IL25: variants seen among roughly 807,000 people sequenced by gnomAD.
IL25 encodes the protein interleukin 25, also known as interleukin-25.
Under a neutral mutation model 13.2 loss-of-function variants are expected in IL25, and 10 were observed. The ratio of observed to expected loss-of-function variants is 0.76; its 90% confidence interval spans 0.47 to 1.29. The LOEUF (loss-of-function observed/expected upper bound fraction) is 1.29. IL25 is among the 50% of genes most tolerant of loss of function. The probability of loss-of-function intolerance (pLI) is 0.00; values close to 1 mark genes in which losing one functional copy is unlikely to be tolerated. For synonymous variants in IL25, 107 were observed against 92.1 expected, an observed-to-expected ratio of 1.16 and a Z score of -0.93; for missense variants, 235 against 232.4, an observed-to-expected ratio of 1.01 and a Z score of -0.07.
At chr14:23,375,148 C>T (rs559566184) in intron 1 of IL25, among the ~76,000 whole-genome samples, 14 of 152,020 alleles carry the variant, frequency 9.2e-5, no homozygotes, top group African/African-American at 2.9e-4. Flanking sequence ...GGTATGGTGG[C>T]GGGCATCAGG....
exon 1 of IL25, chr14:23,373,149 A>G: frequency 6.2e-7 from 1 of 1,614,196 alleles, no homozygotes; most frequent in South Asian, 1.1e-5. Context: ...AGGTGAGGAC[A>G]GTTCTCTCAT....
At chr14:23,373,881 T>C (rs1890476349) in intron 1 of IL25, among the ~76,000 whole-genome samples, 1 of 152,210 alleles carries the variant, frequency 6.6e-6, no homozygotes, top group Admixed American at 6.5e-5. Context: ...TGGGGGCAGC[T>C]GGCTGGCTGG....
At chr14:23,375,497 G>A (rs1229832907) in intron 1 of IL25, 128 bp from the exon 3 acceptor site, 1 of 1,132,892 alleles carries the variant, frequency 8.8e-7, no homozygotes, top group Non-Finnish European at 1.3e-6. Context: ...ACAGCAAGTG[G>A]GTTCAGAACT....
chr14:23,374,138 G>A (rs1890480363), intron 1 of IL25, among the ~76,000 whole-genome samples: 1 of 152,044 alleles, frequency 6.6e-6, no homozygotes. Context: ...GTTCAGTGGT[G>A]GGGAGGGGGT....
At chr14:23,376,289 T>G in exon 2 of IL25, 1 of 211,492 alleles carries the variant, frequency 4.7e-6, no homozygotes. Context: ...AGTGAGCATC[T>G]ACTTTGGGTG....
At chr14:23,375,860 C>A in exon 2 of IL25, 1 of 1,613,978 alleles carries the variant, frequency 6.2e-7, no homozygotes, top group South Asian at 1.1e-5. Flanking sequence ...TGTGTGTGTG[C>A]GGCCCCGTGT....
At chr14:23,373,069 G>A (rs370605623) in exon 1 of IL25, 129 of 1,613,942 alleles carry the variant, frequency 8.0e-5, no homozygotes, top group Non-Finnish European at 8.4e-5. Flanking sequence ...CAGGTTTGGG[G>A]CTGGGGGCCA....
At chr14:23,376,028 G>A in exon 2 of IL25, 2 of 1,080,232 alleles carry the variant, frequency 1.9e-6, no homozygotes, top group African/African-American at 1.6e-5. Context: ...GGGGGGCTTT[G>A]GGGAAAGCCT....
In IL25 at chr14:23,373,146, G is replaced by C. The variant is rs751174353; in HGVS notation, c.28G>C (p.Asp10His). 2.5e-6 allele frequency: 4 copies of C among 1,614,176 alleles called. No homozygotes were observed. Among genetic ancestry groups the C allele is most frequent in the Middle Eastern group, 3.3e-4 (2 of 6,062 alleles). ...GAGGGAGCGACCCAGATTAGGTGAG[G>C]ACAGTTCTCTCATTAGCCTTTTCCT... Residue 10 changes from aspartate (D) to histidine (H), a missense_variant, in exon 1 of 2, where the codon GAC becomes CAC. Coordinates refer to ENST00000329715, the Ensembl canonical transcript of IL25.
At position 23,373,175 on chromosome 14, in the gene IL25, G is replaced by A; in HGVS notation, c.57G>A (p.Gln19=). The stretch of plus-strand genomic sequence containing the variant: ...GTTCTCTCATTAGCCTTTTCCTACA[G>A]GTGGTTGCATTCTTGGCAATGGTCA... Residue 19 remains glutamine (Q), a synonymous_variant, in exon 1 of 2, where the codon CAG becomes CAA. Coordinates refer to ENST00000329715, the Ensembl canonical transcript of IL25. 6.2e-7 allele frequency: 1 copy of A among 1,614,206 alleles called. No individual in the cohort carries two copies. Among genetic ancestry groups the A allele is most frequent in the Non-Finnish European group, 8.5e-7 (1 of 1,180,026 alleles).
intron 1 of IL25, 108 bp from the exon 3 acceptor site, chr14:23,375,517 G>A (rs1890520458): frequency 1.5e-6 from 2 of 1,366,972 alleles, no homozygotes; most frequent in South Asian, 2.7e-5. Flanking sequence ...TGAGACAAGA[G>A]GCCAAGGCCC....
intron 1 of IL25, 52 bp from the exon 3 acceptor site, chr14:23,375,573 C>A: frequency 6.3e-7 from 1 of 1,587,960 alleles, no homozygotes; most frequent in South Asian, 1.1e-5. Flanking sequence ...CCACCCCACC[C>A]TCTCTGTTTC....
chr14:23,375,923 C>A (rs1206864661), exon 2 of IL25: 9 of 1,599,166 alleles, frequency 5.6e-6, no homozygotes, highest in Non-Finnish European at 6.8e-6. Context: ...AAACCTGGAG[C>A]CAGGTGTACA....
exon 2 of IL25, chr14:23,375,814 C>T (rs1016346601): frequency 4.3e-6 from 7 of 1,614,134 alleles, no homozygotes; most frequent in Non-Finnish European, 5.9e-6. Context: ...AGGGCTACTG[C>T]CTGGAGCGCA....
rs760661443 is a variant in IL25, at chr14:23,375,802, C to T, written c.456C>T (p.His152=). The T allele has an allele frequency of 9.3e-6, 15 of 1,614,244 alleles. No individual in the cohort carries two copies. In the South Asian group the frequency reaches 1.1e-4, roughly 12 times the overall value. The stretch of plus-strand genomic sequence containing the variant: ...CATGCCATGGCGAGAAGGGCACCCA[C>T]AAGGGCTACTGCCTGGAGCGCAGGC... The change falls in exon 2 of 2, where the codon CAC becomes CAT. Residue 152 remains histidine (H), a synonymous_variant. Coordinates refer to ENST00000329715, the Ensembl canonical transcript of IL25.
At chr14:23,373,179 G>A in exon 1 of IL25, 1 of 1,614,194 alleles carries the variant, frequency 6.2e-7, no homozygotes, top group Non-Finnish European at 8.5e-7. Context: ...CCTACAGGTG[G>A]TTGCATTCTT....
exon 2 of IL25, chr14:23,376,160 GTC>G: frequency 2.2e-6 from 1 of 456,018 alleles, no homozygotes; most frequent in South Asian, 3.1e-5. Context: ...CACCACTCCT[GTC>G]TCTTCCTCTT....
intron 1 of IL25, 33 bp from the exon 3 acceptor site, chr14:23,375,592 C>T (rs1316008045): frequency 6.3e-7 from 1 of 1,599,774 alleles, no homozygotes; most frequent in Admixed American, 1.7e-5. Context: ...TCCGGCCCAT[C>T]TTTCCAAGGC....
chr14:23,375,563 C>A, intron 1 of IL25, 62 bp from the exon 3 acceptor site: 4 of 1,571,638 alleles, frequency 2.5e-6, no homozygotes, highest in Non-Finnish European at 3.5e-6. Context: ...CACTCCCATG[C>A]CACCCCACCC....
Sources: gnomAD v4.1 joint callset for allele counts (sites outside exome capture counted in the v4.1 genomes callset) on GRCh38, gnomAD v4.1.1 for gene constraint, MANE v1.5 for transcripts, NCBI Gene and HGNC (gene_info 2026-07-23, HGNC 2026-07-21) for gene names.